PTPRD: variants seen among roughly 807,000 people sequenced by gnomAD.
PTPRD encodes receptor-type tyrosine-protein phosphatase delta.
Under a neutral mutation model 214.5 loss-of-function variants are expected in PTPRD, and 34 were observed. The observed-to-expected ratio is 0.16, with a 90% CI of 0.12 to 0.21. The LOEUF (loss-of-function observed/expected upper bound fraction) is 0.21. Among genes scored for constraint, PTPRD ranks in the 10% least tolerant of loss-of-function variants. PTPRD has a pLI of 1.00. For missense variants in PTPRD, 2,545 were observed against 2,398.7 expected, an observed-to-expected ratio of 1.06 and a Z score of -1.27; for synonymous variants, 1,128 against 845.7, an observed-to-expected ratio of 1.33 and a Z score of -5.79.
intron 11 of PTPRD, among the ~76,000 whole-genome samples, chr9:8,990,624 C>A (rs2099362659): frequency 6.6e-6 from 1 of 152,124 alleles, no homozygotes; most frequent in Non-Finnish European, 1.5e-5. Flanking sequence ...CTCCTTTTCC[C>A]CAAAGCCAGC....
intron 30 of PTPRD, among the ~76,000 whole-genome samples, chr9:8,483,578 C>T (rs371957190): frequency 6.6e-6 from 1 of 152,084 alleles, no homozygotes; most frequent in Admixed American, 6.5e-5. Context: ...CGGTGAAACC[C>T]GGTCTCTACT....
intron 2 of PTPRD, among the ~76,000 whole-genome samples, chr9:10,466,081 G>A (rs1424370019): frequency 6.6e-6 from 1 of 152,152 alleles, no homozygotes; most frequent in Non-Finnish European, 1.5e-5. Flanking sequence ...ATACTACTGT[G>A]ATGCCTCTTG....
At chr9:9,527,500 T>A (rs1471676996) in intron 8 of PTPRD, among the ~76,000 whole-genome samples, 3 of 152,198 alleles carry the variant, frequency 2.0e-5, no homozygotes, top group Non-Finnish European at 2.9e-5. Flanking sequence ...AATCAAAAAT[T>A]TGCTAGATTT....
intron 7 of PTPRD, among the ~76,000 whole-genome samples, chr9:9,674,910 T>C (rs1457735154): frequency 1.3e-5 from 2 of 151,728 alleles, no homozygotes; most frequent in African/African-American, 4.8e-5. Context: ...CTCCCTCAAA[T>C]GGTGAACAAA....
At chr9:8,477,844 T>C (rs1325938752) in intron 30 of PTPRD, among the ~76,000 whole-genome samples, 6 of 152,210 alleles carry the variant, frequency 3.9e-5, no homozygotes, top group Non-Finnish European at 7.3e-5. Context: ...AATAAACTTA[T>C]GGGCACAGAG....
At chr9:9,766,619 C>A (rs564075640) in intron 6 of PTPRD, among the ~76,000 whole-genome samples, 191 bp downstream of exon 6, 6 of 152,140 alleles carry the variant, frequency 3.9e-5, no homozygotes, top group African/African-American at 1.4e-4. Flanking sequence ...TTTCTGTACC[C>A]AGGCAATGGT....
Position 8,319,703 on chromosome 9 carries a change from T to C in PTPRD, c.5670+128A>G, listed in dbSNP as rs564133452. On this transcript the variant is annotated intron_variant, in intron 45 of 45. Transcript: ENST00000381196. ...AAAAGGGGGAAAATGAGGTTCAAAA[T>C]TATTAAACAGTTTGATGCTTTCCCC... 11 of 1,178,978 alleles carry C rather than the reference T, an allele frequency of 9.3e-6. No individual in the cohort carries two copies. The South Asian group carries it at 1.5e-4, about 16-fold the overall frequency. The allele number at this position is 1,178,978 out of a possible 1,614,324, so 73.0% of individuals were successfully genotyped here.
intron 3 of PTPRD, among the ~76,000 whole-genome samples, chr9:10,196,991 G>A (rs768459364): frequency 3.3e-5 from 5 of 152,084 alleles, no homozygotes; most frequent in African/African-American, 4.8e-5. Context: ...ATGCTGGCAC[G>A]CTGATCTCAG....
intron 9 of PTPRD, among the ~76,000 whole-genome samples, chr9:9,393,685 C>T (rs2066696977): frequency 1.3e-5 from 2 of 152,128 alleles, no homozygotes; most frequent in South Asian, 4.1e-4. Context: ...CCATTATTTG[C>T]TGAGCTATGT....
intron 10 of PTPRD, among the ~76,000 whole-genome samples, chr9:9,036,529 A>G (rs2099622403): frequency 6.6e-6 from 1 of 152,176 alleles, no homozygotes; most frequent in Non-Finnish European, 1.5e-5. Flanking sequence ...TATGGACTTT[A>G]GTTAATCATA....
At chr9:8,630,581 T>C (rs1251066405) in intron 14 of PTPRD, among the ~76,000 whole-genome samples, 2 of 151,802 alleles carry the variant, frequency 1.3e-5, no homozygotes, top group African/African-American at 2.4e-5. Flanking sequence ...ATTTTTCTCA[T>C]GAAAGTTCTA....
intron 39 of PTPRD, among the ~76,000 whole-genome samples, chr9:8,371,868 G>A (rs2081631894): frequency 6.6e-6 from 1 of 151,946 alleles, no homozygotes; most frequent in African/African-American, 2.4e-5. Context: ...GAAGATATTT[G>A]GAATGTGTAG....
chr9:10,204,000 T>A (rs2099450187), intron 3 of PTPRD, among the ~76,000 whole-genome samples: 1 of 152,158 alleles, frequency 6.6e-6, no homozygotes, highest in African/African-American at 2.4e-5. Context: ...GATGCATGTT[T>A]TCCCTCCCCC....
intron 3 of PTPRD, among the ~76,000 whole-genome samples, chr9:10,277,256 A>C (rs563838697): frequency 1.3e-5 from 2 of 152,226 alleles, no homozygotes; most frequent in South Asian, 2.1e-4. Flanking sequence ...TAAAAAAAAA[A>C]CAACAAACCC....
chr9:10,522,277 G>T (rs2052593284), intron 2 of PTPRD, among the ~76,000 whole-genome samples: 1 of 152,074 alleles, frequency 6.6e-6, no homozygotes, highest in South Asian at 2.1e-4. Context: ...AAAAACTTGG[G>T]GCAGTAAAAT....
chr9:9,490,761 A>G (rs2095859181), intron 8 of PTPRD, among the ~76,000 whole-genome samples: 1 of 151,942 alleles, frequency 6.6e-6, no homozygotes, highest in Non-Finnish European at 1.5e-5. Context: ...TAAACATTTC[A>G]CTACAAAAAA....
intron 11 of PTPRD, among the ~76,000 whole-genome samples, chr9:8,859,459 T>C (rs1209377055): frequency 6.6e-6 from 1 of 152,200 alleles, no homozygotes; most frequent in African/African-American, 2.4e-5. Flanking sequence ...CAAAATTTAT[T>C]AGAAACTTGG....
intron 2 of PTPRD, among the ~76,000 whole-genome samples, chr9:10,548,572 G>GT (rs1442372545): frequency 2.0e-5 from 3 of 152,124 alleles, no homozygotes; most frequent in Admixed American, 6.6e-5. Flanking sequence ...GAGTCTCAGC[G>GT]TAAGCACTGA....
At chr9:9,466,334 A>C (rs35205819) in intron 8 of PTPRD, among the ~76,000 whole-genome samples, 15 of 152,158 alleles carry the variant, frequency 9.9e-5, no homozygotes, top group African/African-American at 3.6e-4. Context: ...ATAATAAAAT[A>C]AAATCTAGCT....
Sources: gnomAD v4.1 joint callset for allele counts (sites outside exome capture counted in the v4.1 genomes callset) on GRCh38, gnomAD v4.1.1 for gene constraint, MANE v1.5 for transcripts, NCBI Gene and HGNC (gene_info 2026-07-23, HGNC 2026-07-21) for gene names.